The following GPC5 variants were observed in gnomAD, a reference collection of about 807,000 sequenced individuals.
The protein encoded by GPC5 is glypican 5.
GPC5 carries 47 observed loss-of-function variants against 53.9 expected under a neutral mutation model. The observed-to-expected ratio is 0.87, with a 90% CI of 0.69 to 1.11. GPC5 has a LOEUF of 1.11. Ranked by LOEUF, GPC5 falls within the 50% of genes most tolerant of loss-of-function variation. The probability of loss-of-function intolerance (pLI) is 0.00; values close to 1 mark genes in which losing one functional copy is unlikely to be tolerated. For missense variants in GPC5, 748 were observed against 713.1 expected (o/e 1.05, Z -0.56); for synonymous variants, 286 against 263.3 (o/e 1.09, Z -0.84).
intron 2 of GPC5, among the ~76,000 whole-genome samples, chr13:91,641,612 TTAAAAA>T (rs1411629207): frequency 6.6e-6 from 1 of 152,242 alleles, no homozygotes; most frequent in Non-Finnish European, 1.5e-5. Context: ...GTCCTGGAAC[TTAAAAA>T]TAAAATACAT....
intron 5 of GPC5, among the ~76,000 whole-genome samples, chr13:91,824,639 C>A (rs1466150452): frequency 7.2e-5 from 11 of 151,968 alleles, no homozygotes; most frequent in African/African-American, 2.2e-4. Flanking sequence ...ATCACATATT[C>A]AAAAATGCCT....
intron 7 of GPC5, among the ~76,000 whole-genome samples, chr13:92,393,291 T>A (rs1203616955): frequency 6.6e-6 from 1 of 152,050 alleles, no homozygotes; most frequent in African/African-American, 2.4e-5. Flanking sequence ...AAAAAAAAAC[T>A]AATACAGGAA....
chr13:91,470,430 G>A (rs1399687057), intron 2 of GPC5, among the ~76,000 whole-genome samples: 3 of 151,944 alleles, frequency 2.0e-5, no homozygotes, highest in East Asian at 1.9e-4. Flanking sequence ...AAAGGTGATG[G>A]GTAAAAAAAA....
intron 6 of GPC5, among the ~76,000 whole-genome samples, chr13:91,997,201 C>T (rs2040511536): frequency 6.6e-6 from 1 of 152,108 alleles, no homozygotes; most frequent in Non-Finnish European, 1.5e-5. Flanking sequence ...TGTTTTGCCT[C>T]CTATCTTCAC....
At chr13:92,358,784 C>A (rs1164913112) in intron 7 of GPC5, among the ~76,000 whole-genome samples, 2 of 151,756 alleles carry the variant, frequency 1.3e-5, no homozygotes, top group East Asian at 3.9e-4. Context: ...GAAGCAATGT[C>A]TTGAGGTTGT....
At chr13:91,848,041 C>T (rs947575987) in intron 5 of GPC5, among the ~76,000 whole-genome samples, 1 of 152,120 alleles carries the variant, frequency 6.6e-6, no homozygotes, top group Admixed American at 6.5e-5. Flanking sequence ...ATTTTCTGTT[C>T]TTTCTAAAGT....
At chr13:91,867,288 A>G (rs2039095672) in intron 5 of GPC5, among the ~76,000 whole-genome samples, 1 of 152,170 alleles carries the variant, frequency 6.6e-6, no homozygotes, top group Non-Finnish European at 1.5e-5. Flanking sequence ...CTTCAGTTCT[A>G]CTGCTGTCCC....
intron 7 of GPC5, among the ~76,000 whole-genome samples, chr13:92,227,305 A>G (rs1042259737): frequency 6.6e-6 from 1 of 152,126 alleles, no homozygotes; most frequent in African/African-American, 2.4e-5. Context: ...AAAAACGCAA[A>G]CAAAAAAACA....
At chr13:91,432,505 G>A (rs74106747) in intron 1 of GPC5, among the ~76,000 whole-genome samples, 11,766 of 152,130 alleles carry the variant, frequency 0.077, 1,468 homozygotes, top group African/African-American at 0.27. Flanking sequence ...TGAAGGATCA[G>A]TGATACCATT....
At chr13:92,106,895 A>G (rs1266842723) in intron 6 of GPC5, among the ~76,000 whole-genome samples, 4 of 152,076 alleles carry the variant, frequency 2.6e-5, no homozygotes, top group Non-Finnish European at 4.4e-5. Context: ...TTGCTCATAC[A>G]CCTTTCTGAC....
At position 92,144,965 on chromosome 13, in the gene GPC5, A is replaced by G; in HGVS notation, c.1537A>G (p.Lys513Glu). The change falls in exon 7 of 8, where the codon AAG becomes GAG. Residue 513 changes from lysine to glutamate, a missense_variant. Transcript: ENST00000377067. ...CGGGGGATCAGGAAGTGGAGAAGTC[A>G]AGAGGACACTGAAGATCACAGACTG... ...GCGGSGSGEV[K>E]RTLKITDWMP... 6.5e-7 allele frequency: 1 copy of G among 1,549,174 alleles called. No homozygotes were observed. The highest frequency in any genetic ancestry group is 1.2e-5 in the South Asian group (1 of 80,438).
chr13:91,812,396 A>G (rs2038326620), intron 5 of GPC5, among the ~76,000 whole-genome samples: 1 of 152,174 alleles, frequency 6.6e-6, no homozygotes. Flanking sequence ...AACTGAAAAT[A>G]TGGTTTATTA....
intron 7 of GPC5, among the ~76,000 whole-genome samples, chr13:92,556,856 T>C (rs1285302307): frequency 6.6e-6 from 1 of 151,920 alleles, no homozygotes; most frequent in Non-Finnish European, 1.5e-5. Context: ...TTCTGCTCTT[T>C]TGAATGTGCT....
intron 7 of GPC5, among the ~76,000 whole-genome samples, chr13:92,582,359 G>C (rs750185139): frequency 6.6e-6 from 1 of 152,000 alleles, no homozygotes; most frequent in African/African-American, 2.4e-5. Context: ...GACCAAAAAT[G>C]AGTAGATGTT....
In GPC5 at chr13:92,658,587, A is replaced by T. The variant is rs181903878; in HGVS notation, c.1562-207695A>T. Among the ~76,000 whole-genome samples the T allele has an allele frequency of 3.6e-4, 55 of 152,224 alleles. 1 individual carries two copies. The highest frequency in any genetic ancestry group is 6.8e-3 in the Middle Eastern group (2 of 294). ...TATTTAAAAATCTTCTAGCGTTAAG[A>T]GCTGCTATTTTGGTTTTGTTGTTGT... On this transcript the variant is annotated intron_variant, in intron 7 of 7. Transcript: ENST00000377067.
intron 7 of GPC5, among the ~76,000 whole-genome samples, chr13:92,399,941 T>C (rs895189387): frequency 6.6e-6 from 1 of 152,192 alleles, no homozygotes; most frequent in Admixed American, 6.5e-5. Context: ...AGGAAATTAT[T>C]TGTGGTTGAC....
chr13:92,320,064 C>G (rs1267824893), intron 7 of GPC5, among the ~76,000 whole-genome samples: 2 of 151,880 alleles, frequency 1.3e-5, no homozygotes, highest in Non-Finnish European at 2.9e-5. Flanking sequence ...ATTAATGTAC[C>G]TATTTTTGAA....
chr13:92,323,961 T>C (rs780848797), intron 7 of GPC5, among the ~76,000 whole-genome samples: 14 of 151,980 alleles, frequency 9.2e-5, no homozygotes, highest in Non-Finnish European at 2.1e-4. Flanking sequence ...TTAACAGTGT[T>C]CTTTTGCCTG....
At chr13:92,226,739 C>T (rs1236105863) in intron 7 of GPC5, among the ~76,000 whole-genome samples, 1 of 151,718 alleles carries the variant, frequency 6.6e-6, no homozygotes, top group Non-Finnish European at 1.5e-5. Flanking sequence ...GCTGGGATTA[C>T]AGGCGCTGGC....
Sources: allele counts gnomAD v4.1 joint callset (sites outside exome capture counted in the v4.1 genomes callset), GRCh38; gene constraint gnomAD v4.1.1; transcripts MANE v1.5; gene names NCBI Gene and HGNC (gene_info 2026-07-23, HGNC 2026-07-21).